HSP90AA1: variants seen among roughly 807,000 people sequenced by gnomAD.
The protein encoded by HSP90AA1 is heat shock protein HSP 90-alpha.
In HSP90AA1, 18 loss-of-function variants were observed where a neutral mutation model predicts 73.3. The observed-to-expected ratio is 0.25, with a 90% CI of 0.17 to 0.36. The LOEUF is 0.36. Among genes scored for constraint, HSP90AA1 ranks in the 10% least tolerant of loss-of-function variants. The pLI is 1.00. For missense variants in HSP90AA1, 704 were observed against 874.2 expected, an observed-to-expected ratio of 0.81 and a Z score of 2.45; for synonymous variants, 477 against 296.9, an observed-to-expected ratio of 1.61 and a Z score of -6.24.
chr14:102,139,575 C>G lies in HSP90AA1; in HGVS notation c.-171G>C, dbSNP rs116641992. On this transcript the variant is annotated 5_prime_UTR_variant, in exon 1 of 12. Coordinates refer to the HSP90AA1 transcript ENST00000334701. ...TCATGACACCAGCCCCGCCGCGGTT[C>G]CCCCTGACCGGCTTTCCGCTGGCCC... 2.9e-3 allele frequency: 2,122 copies of G among 733,574 alleles called. 35 individuals are homozygous for G. In the African/African-American group the frequency reaches 0.034, roughly 12 times the overall value. 45.4% of individuals were successfully genotyped at this position (733,574 alleles called of 1,614,324 possible).
chr14:102,085,231 G>A (rs979939154), intron 4 of HSP90AA1, 67 bp downstream of exon 4: 46 of 1,525,046 alleles, frequency 3.0e-5, no homozygotes, highest in Non-Finnish European at 3.6e-5. Context: ...TAGGGACTAA[G>A]GATGTAGTAC....
intron 1 of HSP90AA1, among the ~76,000 whole-genome samples, chr14:102,122,964 AGCC>A (rs2049798877): frequency 6.6e-6 from 1 of 151,928 alleles, no homozygotes; most frequent in South Asian, 2.1e-4. Flanking sequence ...CACTGCGCCC[AGCC>A]AATACTCTTC....
intron 1 of HSP90AA1, among the ~76,000 whole-genome samples, chr14:102,128,918 GGTTTATGCCTTAC>G (rs2049870848): frequency 1.3e-5 from 2 of 152,232 alleles, no homozygotes; most frequent in Admixed American, 6.5e-5. Context: ...AAATGAGAAA[GGTTTATGCCTTAC>G]GGTGATTCCC....
intron 1 of HSP90AA1, among the ~76,000 whole-genome samples, chr14:102,134,007 C>T (rs2049943823): frequency 6.6e-6 from 1 of 151,728 alleles, no homozygotes; most frequent in Non-Finnish European, 1.5e-5. Flanking sequence ...AAAAATTAGC[C>T]GTGCATGGTG....
chr14:102,116,249 G>A (rs373517691), intron 1 of HSP90AA1, among the ~76,000 whole-genome samples: 1 of 152,266 alleles, frequency 6.6e-6, no homozygotes, highest in South Asian at 2.1e-4. Context: ...CACTGTGCCC[G>A]GCCAAGACCG....
intron 1 of HSP90AA1, among the ~76,000 whole-genome samples, chr14:102,137,164 C>T (rs1051064709): frequency 2.0e-5 from 3 of 151,038 alleles, no homozygotes; most frequent in South Asian, 2.1e-4. Flanking sequence ...GAGACTGTGC[C>T]ACTGCACTCC....
chr14:102,085,550 C>A, intron 3 of HSP90AA1, 119 bp from the exon 4 acceptor site: 2 of 1,209,654 alleles, frequency 1.7e-6, no homozygotes, highest in South Asian at 2.5e-5. Flanking sequence ...ATGCAAAGGC[C>A]ACCACAGCAG....
rs935408999 is a variant in HSP90AA1, at chr14:102,084,463, G to A, written c.1083C>T (p.Ile361=). ...TGAAAACTCTGCGTACATACAATTT[G>A]ATGTTGTTCTTTTTCTTTCTGTTTT... The part of the protein sequence containing the change: ...LFENRKKKNN[I]KLYVRRVFIM... The change falls in exon 6 of 11, where the codon ATC becomes ATT. Residue 361 remains isoleucine (I), a synonymous_variant. Coordinates refer to ENST00000216281, the MANE Select transcript of HSP90AA1 (RefSeq NM_005348.4). The A allele has an allele frequency of 1.2e-6, 2 of 1,613,172 alleles. No individual in the cohort carries two copies. Among genetic ancestry groups the A allele is most frequent in the Admixed American group, 1.7e-5 (1 of 60,004 alleles).
chr14:102,086,456 A>C (rs1284051982), intron 1 of HSP90AA1, 78 bp from the exon 2 acceptor site: 1 of 1,504,486 alleles, frequency 6.6e-7, no homozygotes, highest in Non-Finnish European at 9.3e-7. Flanking sequence ...CGTTCTCCAA[A>C]TATTTTTAAA....
At chr14:102,084,279 C>G in intron 6 of HSP90AA1, 120 bp downstream of exon 6, 1 of 918,400 alleles carries the variant, frequency 1.1e-6, no homozygotes, top group African/African-American at 1.6e-5. Flanking sequence ...CTCCTGACCT[C>G]AAGTGATCTG....
At position 102,085,757 on chromosome 14, in the gene HSP90AA1, C is replaced by T. The variant is rs2152612805; in HGVS notation, c.529+1G>A. 1 of 1,614,018 alleles carries T rather than the reference C, an allele frequency of 6.2e-7. No homozygotes were observed. Among genetic ancestry groups the T allele is most frequent in the Non-Finnish European group, 8.5e-7 (1 of 1,179,882 alleles). On this transcript the variant is annotated splice_donor_variant, in intron 3 of 10. Transcript: ENST00000216281. LOFTEE classifies it high-confidence loss of function. ...TAACCAGTGAATGTTCAGGTGCCTA[C>T]CTGTGTCTGTCCTCACTGTGAATGA...
At chr14:102,119,477 T>C (rs960552459) in intron 1 of HSP90AA1, among the ~76,000 whole-genome samples, 1 of 152,000 alleles carries the variant, frequency 6.6e-6, no homozygotes, top group South Asian at 2.1e-4. Flanking sequence ...ATCTACCAAC[T>C]AGTTGTGGTT....
upstream of HSP90AA1, among the ~76,000 whole-genome samples, chr14:102,090,937 A>G (rs2049349076): frequency 6.6e-6 from 1 of 152,178 alleles, no homozygotes; most frequent in Admixed American, 6.5e-5. Flanking sequence ...CTGGATTCAG[A>G]TCTTAGCTCA....
upstream of HSP90AA1, among the ~76,000 whole-genome samples, chr14:102,087,939 T>C (rs1005597551): frequency 7.4e-6 from 1 of 135,432 alleles, no homozygotes; most frequent in Admixed American, 7.2e-5. Context: ...AGGTTTTTTT[T>C]TTTTTTTTTT....
intron 2 of HSP90AA1, chr14:102,101,776 T>C: frequency 3.2e-6 from 3 of 938,600 alleles, no homozygotes. Flanking sequence ...AGTGACATTG[T>C]TTTAGCTTTC....
At chr14:102,087,685 G>A (rs1053283968), upstream of HSP90AA1, among the ~76,000 whole-genome samples, 208 of 152,302 alleles carry the variant, frequency 1.4e-3, no homozygotes, top group African/African-American at 4.8e-3. Context: ...CTGTCCCGCG[G>A]CCTGCGCGCT....
chr14:102,108,520 CTAACTTA>C lies in HSP90AA1; in HGVS notation c.156-6442_156-6436del, dbSNP rs1339756097. 3.3e-3 allele frequency among the ~76,000 whole-genome samples: 484 copies of C among 148,454 alleles called. 4 individuals carry two copies. Among genetic ancestry groups the C allele is most frequent in the Middle Eastern group, 7.1e-3 (2 of 280 alleles). ...CTTCTCTTTTCTAATTTTTACACAT[CTAACTTA>C]TAACTTTTTTTTTTTTTTTTTTTTT... On this transcript the variant is annotated intron_variant, in intron 1 of 11. Coordinates refer to the HSP90AA1 transcript ENST00000334701.
chr14:102,085,058 GCAC>G (rs2049193269), intron 4 of HSP90AA1, 60 bp from the exon 5 acceptor site: 9 of 1,611,948 alleles, frequency 5.6e-6, no homozygotes, highest in Non-Finnish European at 7.6e-6. Context: ...CGACAGCGCT[GCAC>G]CACTATTTTC....
chr14:102,116,203 T>C (rs1022530523), intron 1 of HSP90AA1, among the ~76,000 whole-genome samples: 1 of 151,970 alleles, frequency 6.6e-6, no homozygotes, highest in Non-Finnish European at 1.5e-5. Context: ...TCCACCAACC[T>C]TGGCCTCCCA....
Sources: gnomAD v4.1 joint callset for allele counts (sites outside exome capture counted in the v4.1 genomes callset) on GRCh38, gnomAD v4.1.1 for gene constraint, MANE v1.5 for transcripts, NCBI Gene and HGNC (gene_info 2026-07-23, HGNC 2026-07-21) for gene names.